KCNK13: variants seen among roughly 807,000 people sequenced by gnomAD.
KCNK13 encodes potassium channel subfamily K member 13.
A neutral mutation model predicts 23.4 loss-of-function variants in KCNK13; 12 were observed. The ratio of observed to expected loss-of-function variants is 0.51; its 90% CI spans 0.33 to 0.83. The LOEUF is 0.83. KCNK13 is among the 40% of genes least tolerant of loss of function. KCNK13 has a pLI of 0.02. For missense variants in KCNK13, 463 were observed against 556.3 expected (o/e 0.83, Z 1.69); for synonymous variants, 231 against 229.5 (o/e 1.01, Z -0.06).
chr14:90,113,863 G>T (rs112297073), intron 1 of KCNK13, among the ~76,000 whole-genome samples: 1 of 152,044 alleles, frequency 6.6e-6, no homozygotes, highest in African/African-American at 2.4e-5. Context: ...AACCCAGGAG[G>T]TGGAGGTTGC....
At chr14:90,078,729 G>A (rs1267048387) in intron 1 of KCNK13, among the ~76,000 whole-genome samples, 3 of 152,064 alleles carry the variant, frequency 2.0e-5, no homozygotes, top group Non-Finnish European at 2.9e-5. Context: ...CCGAGCTCCC[G>A]GAGCTGATAA....
intron 1 of KCNK13, among the ~76,000 whole-genome samples, chr14:90,096,713 A>C (rs1889415158): frequency 6.6e-6 from 1 of 152,210 alleles, no homozygotes; most frequent in African/African-American, 2.4e-5. Context: ...GACTCACAAC[A>C]GTGCTAGGCC....
At chr14:90,063,886 CG>C (rs1566944923) in intron 1 of KCNK13, among the ~76,000 whole-genome samples, 1 of 152,178 alleles carries the variant, frequency 6.6e-6, no homozygotes. Flanking sequence ...AGGGACACAC[CG>C]GCTGTATCTG....
intron 1 of KCNK13, among the ~76,000 whole-genome samples, chr14:90,127,817 T>TAAAAAAAA (rs35453411): frequency 1.2e-5 from 1 of 85,156 alleles, no homozygotes; most frequent in Non-Finnish European, 2.2e-5. Flanking sequence ...AGATGCTATC[T>TAAAAAAAA]AAAAAAAAAA....
intron 1 of KCNK13, among the ~76,000 whole-genome samples, chr14:90,106,939 T>C (rs772074867): frequency 6.6e-6 from 1 of 152,072 alleles, no homozygotes; most frequent in Non-Finnish European, 1.5e-5. Context: ...GAGAATCGCT[T>C]GAATCCGGGA....
rs192909368 is a variant in KCNK13, at chr14:90,163,544, C to T, written c.335-20567C>T. 4.6e-4 allele frequency among the ~76,000 whole-genome samples: 70 copies of T among 152,300 alleles called. 1 individual carries two copies. The East Asian group carries it at 0.013, about 27-fold the overall frequency. ...CTTTCTTAGCCACATGCTTGAGCCA[C>T]CAAGTCGGACCCCACTGAGCATAAC... On this transcript the variant is annotated intron_variant, in intron 1 of 1. Transcript: ENST00000282146.
chr14:90,126,060 A>G (rs1596788892), intron 1 of KCNK13, among the ~76,000 whole-genome samples: 1 of 151,990 alleles, frequency 6.6e-6, no homozygotes, highest in East Asian at 1.9e-4. Flanking sequence ...TTGGAAAATA[A>G]CTCCAATTAT....
intron 1 of KCNK13, among the ~76,000 whole-genome samples, chr14:90,130,030 G>A (rs1255899945): frequency 6.6e-6 from 1 of 152,048 alleles, no homozygotes; most frequent in Non-Finnish European, 1.5e-5. Context: ...TGTTTTGTCT[G>A]TTCTTTCAAT....
intron 1 of KCNK13, among the ~76,000 whole-genome samples, chr14:90,074,540 T>C (rs1889114229): frequency 6.6e-6 from 1 of 152,244 alleles, no homozygotes. Context: ...AATGATTGCT[T>C]TTAAAAAGGT....
At chr14:90,097,426 C>T (rs1260952465) in intron 1 of KCNK13, among the ~76,000 whole-genome samples, 3 of 152,214 alleles carry the variant, frequency 2.0e-5, no homozygotes, top group East Asian at 3.9e-4. Flanking sequence ...CTCACCAAAG[C>T]GAGAACTCAC....
chr14:90,143,783 G>A (rs1890042110), intron 1 of KCNK13, among the ~76,000 whole-genome samples: 1 of 152,168 alleles, frequency 6.6e-6, no homozygotes. Flanking sequence ...CAGAAGCGAG[G>A]CAGAGAAAAA....
chr14:90,071,716 G>A lies in KCNK13; in HGVS notation c.334+9177G>A, dbSNP rs180996906. Among the ~76,000 whole-genome samples, 19 of 152,276 alleles carry A rather than the reference G, an allele frequency of 1.2e-4. No individual in the cohort carries two copies. The East Asian group carries it at 3.7e-3, about 29-fold the overall frequency. ...GATCAAGACCATTGTGGCCAACATG[G>A]TGAAACCCTGTCTCTACTAAAAATA... On this transcript the variant is annotated intron_variant, in intron 1 of 1. Coordinates refer to ENST00000282146, the MANE Select transcript of KCNK13 (RefSeq NM_022054.4).
In KCNK13 at chr14:90,125,085, C is replaced by T. The variant is rs577755428; in HGVS notation, c.335-59026C>T. ...TTACTGTAGATGGAAGGAAAAGGGA[C>T]GTTTTTGTAATAAAAATATAGAAAG... On this transcript the variant is annotated intron_variant, in intron 1 of 1. Transcript: ENST00000282146. 4.7e-4 allele frequency among the ~76,000 whole-genome samples: 72 copies of T among 152,034 alleles called. 1 individual carries two copies. The South Asian group carries it at 0.012, about 25-fold the overall frequency.
At chr14:90,140,841 C>T (rs1169209818) in intron 1 of KCNK13, among the ~76,000 whole-genome samples, 1 of 152,198 alleles carries the variant, frequency 6.6e-6, no homozygotes, top group African/African-American at 2.4e-5. Context: ...CCTCTGGCTA[C>T]TTTTGGCAGA....
At chr14:90,081,642 T>C (rs1449433839) in intron 1 of KCNK13, among the ~76,000 whole-genome samples, 1 of 152,214 alleles carries the variant, frequency 6.6e-6, no homozygotes, top group African/African-American at 2.4e-5. Flanking sequence ...TTTTAGCATA[T>C]TTACAGAGTT....
intron 1 of KCNK13, among the ~76,000 whole-genome samples, chr14:90,142,404 C>T (rs893029935): frequency 3.4e-5 from 5 of 147,952 alleles, no homozygotes; most frequent in Middle Eastern, 3.4e-3. Flanking sequence ...CTGCAAGCTC[C>T]GCCTCCCAGG....
At chr14:90,076,996 T>C (rs1889144216) in intron 1 of KCNK13, among the ~76,000 whole-genome samples, 1 of 151,550 alleles carries the variant, frequency 6.6e-6, no homozygotes, top group Admixed American at 6.6e-5. Context: ...ATTTTTTGTA[T>C]TTTTAGTAGA....
chr14:90,108,010 A>G lies in KCNK13; in HGVS notation c.334+45471A>G, dbSNP rs560596243. The G allele has an allele frequency of 5.8e-6, 4 of 684,198 alleles. No individual in the cohort carries two copies. The East Asian group carries it at 1.2e-4, about 20-fold the overall frequency. 42.4% of individuals were successfully genotyped at this position (684,198 alleles called of 1,614,324 possible). A position where few individuals can be genotyped will look rare whatever the true frequency, so the allele number is the denominator to read the frequency against. On this transcript the variant is annotated intron_variant, in intron 1 of 1. Coordinates refer to ENST00000282146, the MANE Select transcript of KCNK13 (RefSeq NM_022054.4). ...TTTTGCAGTAACCACAGAGCAGGCC[A>G]CACGCTGACTTTCCTCCTCAAGAGC...
At chr14:90,170,150 A>C (rs1473478143) in intron 1 of KCNK13, among the ~76,000 whole-genome samples, 1 of 152,166 alleles carries the variant, frequency 6.6e-6, no homozygotes, top group Non-Finnish European at 1.5e-5. Context: ...CAAGCATTTA[A>C]CTAAGAGAAG....
Sources: allele counts gnomAD v4.1 joint callset (sites outside exome capture counted in the v4.1 genomes callset), GRCh38; gene constraint gnomAD v4.1.1; transcripts MANE v1.5; gene names NCBI Gene and HGNC (gene_info 2026-07-23, HGNC 2026-07-21).